Variants in ZNF236 observed in about 807,000 individuals in gnomAD.
ZNF236 encodes regulated by glucose.
Under a neutral mutation model 191.2 loss-of-function variants are expected in ZNF236, and 50 were observed. That is an observed-to-expected ratio of 0.26 (90% CI 0.21 to 0.33). ZNF236 has a LOEUF of 0.33. ZNF236 is among the 10% of genes least tolerant of loss of function. The probability of loss-of-function intolerance (pLI) is 1.00; values close to 1 mark genes in which losing one functional copy is unlikely to be tolerated. For missense variants in ZNF236, 1,754 were observed against 2,374.5 expected (o/e 0.74, Z 5.43); for synonymous variants, 907 against 928.8 (o/e 0.98, Z 0.43).
intron 1 of ZNF236, 33 bp from the exon 2 acceptor site, chr18:76,849,493 G>A: frequency 1.3e-6 from 2 of 1,521,240 alleles, no homozygotes; most frequent in Non-Finnish European, 1.8e-6. Flanking sequence ...ATAACAACTG[G>A]TATTTATTGT....
intron 26 of ZNF236, among the ~76,000 whole-genome samples, chr18:76,944,318 C>T (rs1180965174): frequency 6.6e-6 from 1 of 152,150 alleles, no homozygotes; most frequent in Non-Finnish European, 1.5e-5. Context: ...ATCTTTACCT[C>T]AGTGTAAACC....
intron 30 of ZNF236, among the ~76,000 whole-genome samples, chr18:76,964,852 A>G (rs958788357): frequency 1.3e-5 from 2 of 152,150 alleles, no homozygotes; most frequent in African/African-American, 4.8e-5. Flanking sequence ...GCTGATGACA[A>G]TGCGACTAAG....
chr18:76,859,317 G>A (rs1281038458), intron 3 of ZNF236, among the ~76,000 whole-genome samples: 1 of 152,024 alleles, frequency 6.6e-6, no homozygotes, highest in African/African-American at 2.4e-5. Context: ...GCAGCTCCTG[G>A]TATGTCTTGC....
chr18:76,937,841 A>AT, intron 26 of ZNF236, among the ~76,000 whole-genome samples: 1 of 152,182 alleles, frequency 6.6e-6, no homozygotes. Flanking sequence ...TTTTTAAATG[A>AT]TTCGTTGAGC....
chr18:76,927,034 C>T lies in ZNF236; in HGVS notation c.4028-3C>T, dbSNP rs1470845194. ...ATCATTCTCTTTCTCTTTCTCTGGC[C>T]AGCTGGGGGTGACCTGACCGTGTCT... On this transcript the variant is annotated splice_region_variant and splice_polypyrimidine_tract_variant and intron_variant, in intron 22 of 30. Coordinates refer to ENST00000320610, the MANE Select transcript of ZNF236 (RefSeq NM_001306089.2). This position sits in a 1 kb window ranked among gnomAD's most constrained non-coding sequence, Gnocchi z 5.4. 2.5e-6 allele frequency: 4 copies of T among 1,599,492 alleles called. No individual in the cohort carries two copies. The highest frequency in any genetic ancestry group is 1.7e-6 in the Non-Finnish European group (2 of 1,169,880).
intron 9 of ZNF236, chr18:76,885,668 GATACCTGTGT>G (rs1977029724): frequency 5.7e-6 from 1 of 176,072 alleles, no homozygotes; most frequent in Non-Finnish European, 1.2e-5. Flanking sequence ...GTAAAATGGG[GATACCTGTGT>G]CTTAGGCTTG....
intron 21 of ZNF236, among the ~76,000 whole-genome samples, chr18:76,923,593 T>G (rs1190991419): frequency 1.3e-5 from 2 of 152,220 alleles, no homozygotes; most frequent in Non-Finnish European, 2.9e-5. Flanking sequence ...CAGAAATGAA[T>G]GTCCAAGTTT....
At chr18:76,856,195 T>TG (rs1976036026) in intron 3 of ZNF236, among the ~76,000 whole-genome samples, 1 of 139,604 alleles carries the variant, frequency 7.2e-6, no homozygotes, top group Admixed American at 7.2e-5. Context: ...TTTTCTTTTC[T>TG]TTTTTTTTTT....
intron 21 of ZNF236, among the ~76,000 whole-genome samples, chr18:76,924,894 A>G (rs1406678038): frequency 1.3e-5 from 2 of 152,242 alleles, no homozygotes; most frequent in East Asian, 1.9e-4. Flanking sequence ...TCTGATAAAT[A>G]TAAATCAACT....
At chr18:76,827,622 G>A (rs1223518532) in intron 1 of ZNF236, among the ~76,000 whole-genome samples, 1 of 152,218 alleles carries the variant, frequency 6.6e-6, no homozygotes, top group South Asian at 2.1e-4. Context: ...TTGGGCACCT[G>A]AAGTCTAGGC....
chr18:76,871,330 G>A (rs1202268470), intron 4 of ZNF236, among the ~76,000 whole-genome samples: 1 of 152,096 alleles, frequency 6.6e-6, no homozygotes, highest in African/African-American at 2.4e-5. Context: ...TGCAGATGGT[G>A]CGGAGAGCAA....
chr18:76,892,167 GGTTT>G (rs1221679565), intron 9 of ZNF236, among the ~76,000 whole-genome samples: 210 of 22,864 alleles, frequency 9.2e-3, no homozygotes, highest in African/African-American at 0.023. Context: ...TTTTCTTCTG[GGTTT>G]TTTTTTTTTT....
chr18:76,861,936 T>G (rs1035509990), intron 3 of ZNF236, among the ~76,000 whole-genome samples: 11 of 152,280 alleles, frequency 7.2e-5, no homozygotes, highest in African/African-American at 2.6e-4. Context: ...GCGATCCAGC[T>G]CACTGCAAGC....
chr18:76,908,980 TGTGTGTGTG>T, intron 14 of ZNF236, among the ~76,000 whole-genome samples: 1 of 138,698 alleles, frequency 7.2e-6, no homozygotes, highest in African/African-American at 3.2e-5. Context: ...TGTGTGTGTG[TGTGTGTGTG>T]TGTGTGTGTG....
intron 6 of ZNF236, among the ~76,000 whole-genome samples, chr18:76,877,005 G>C (rs1976735760): frequency 3.3e-5 from 5 of 152,126 alleles, no homozygotes; most frequent in African/African-American, 4.8e-5. Flanking sequence ...ATCTAAATTT[G>C]GTTCTTAGAG....
chr18:76,854,711 T>C (rs1784752075), intron 3 of ZNF236, among the ~76,000 whole-genome samples: 1 of 152,244 alleles, frequency 6.6e-6, no homozygotes, highest in Non-Finnish European at 1.5e-5. Flanking sequence ...ATATGAATCT[T>C]CTTATGCATC....
chr18:76,927,291 T>A lies in ZNF236; in HGVS notation c.4188T>A (p.Ile1396=), dbSNP rs747170524. The change falls in exon 24 of 31, where the codon ATT becomes ATA. Residue 1396 remains isoleucine (I), a synonymous_variant. Coordinates refer to ENST00000320610, the MANE Select transcript of ZNF236 (RefSeq NM_001306089.2). The surrounding 1 kb of genome is among the most constrained non-coding windows in gnomAD (Gnocchi z 5.4). ...CTGCTTTTCAGATTGATCCAAGCAT[T>A]CTGCAGCAGACGCTACAGCAGGGCA... ...NNITLQIDPS[I]LQQTLQQGNL... The A allele has an allele frequency of 2.5e-6, 4 of 1,614,186 alleles. No individual in the cohort carries two copies. The South Asian group carries it at 4.4e-5, about 18-fold the overall frequency.
At chr18:76,862,731 C>T (rs565437354) in intron 3 of ZNF236, among the ~76,000 whole-genome samples, 4 of 152,186 alleles carry the variant, frequency 2.6e-5, no homozygotes, top group African/African-American at 4.8e-5. Context: ...GTCAGTGGGG[C>T]TCTGCGAAAT....
rs1045756935 is a variant in ZNF236, at chr18:76,972,276, G to A, written c.*3937G>A. Among the ~76,000 whole-genome samples the A allele has an allele frequency of 1.3e-5, 2 of 152,222 alleles. No individual in the cohort carries two copies. Among genetic ancestry groups the A allele is most frequent in the Admixed American group, 6.5e-5 (1 of 15,282 alleles). The stretch of plus-strand genomic sequence containing the variant: ...GAAAGTGGGAACCACAGAGCTTTTC[G>A]TGGGCCAGATGCCCACATATTCCTA... On this transcript the variant is annotated 3_prime_UTR_variant, in exon 31 of 31. Transcript: ENST00000320610.
Sources: allele counts gnomAD v4.1 joint callset (sites outside exome capture counted in the v4.1 genomes callset), GRCh38; gene constraint gnomAD v4.1.1; non-coding constraint Gnocchi (gnomAD v3.1); transcripts MANE v1.5; gene names NCBI Gene and HGNC (gene_info 2026-07-23, HGNC 2026-07-21).